The following COPS6 variants were observed in gnomAD, a reference collection of about 807,000 sequenced individuals.
COPS6 encodes COP9 signalosome subunit 6.
A neutral mutation model predicts 41.0 loss-of-function variants in COPS6; 9 were observed. The observed-to-expected ratio is 0.22, with a 90% confidence interval of 0.13 to 0.38. The LOEUF (loss-of-function observed/expected upper bound fraction) is 0.38, where lower values mean the gene tolerates loss of function less well. Ranked by LOEUF, COPS6 falls within the 10% of genes least tolerant of loss-of-function variation. The pLI is 1.00. For synonymous variants in COPS6, 179 were observed against 162.9 expected, an observed-to-expected ratio of 1.10 and a Z score of -0.75; for missense variants, 302 against 436.7, an observed-to-expected ratio of 0.69 and a Z score of 2.75.
In COPS6 at chr7:100,092,064, G is replaced by A. The variant is rs1265578960; in HGVS notation, c.*275G>A. ...TGACCCCATGTCAGTCACATGGACT[G>A]GTCTTTAGCAAAGTCCAAGGCTGCC... On this transcript the variant is annotated 3_prime_UTR_variant, in exon 10 of 10. Coordinates refer to ENST00000303904, the MANE Select transcript of COPS6 (RefSeq NM_006833.5). 2 of 472,488 alleles carry A rather than the reference G, an allele frequency of 4.2e-6. No homozygotes were observed. The highest frequency in any genetic ancestry group is 7.7e-6 in the Non-Finnish European group (2 of 260,932). The allele number at this position is 472,488 out of a possible 1,614,324, so 29.3% of individuals were successfully genotyped here.
chr7:100,091,920 T>TAACAGAGGACAGAGCCAC lies in COPS6; in HGVS notation c.*131_*132insAACAGAGGACAGAGCCAC. 1 of 1,184,752 alleles carries TAACAGAGGACAGAGCCAC rather than the reference T, an allele frequency of 8.4e-7. No homozygotes were observed. Among genetic ancestry groups the TAACAGAGGACAGAGCCAC allele is most frequent in the Non-Finnish European group, 1.2e-6 (1 of 839,462 alleles). 73.4% of individuals were successfully genotyped at this position (1,184,752 alleles called of 1,614,324 possible). A position where few individuals can be genotyped will look rare whatever the true frequency, so the allele number is the denominator to read the frequency against. ...GCCCCTGAGCACCCCTGCTGGTGGC[T>TAACAGAGGACAGAGCCAC]CTGTCCTCTGTTAGGCACCACACTG... is the stretch of plus-strand genomic sequence containing the variant. On this transcript the variant is annotated 3_prime_UTR_variant, in exon 10 of 10. Coordinates refer to ENST00000303904, the MANE Select transcript of COPS6 (RefSeq NM_006833.5). The surrounding 1 kb of genome is among the most constrained non-coding windows in gnomAD (Gnocchi z 4.1).
intron 3 of COPS6, 125 bp from the exon 4 acceptor site, chr7:100,090,274 G>A (rs1376027957): frequency 1.5e-6 from 1 of 676,258 alleles, no homozygotes; most frequent in Non-Finnish European, 2.5e-6. Flanking sequence ...CTTGAACCTG[G>A]GAGGCGGAGG....
Position 100,089,032 on chromosome 7 carries a change from C to T in COPS6, c.42C>T (p.Thr14=), listed in dbSNP as rs900620990. 1.9e-5 allele frequency: 26 copies of T among 1,361,548 alleles called. No homozygotes were observed. The highest frequency in any genetic ancestry group is 3.0e-5 in the African/African-American group (2 of 65,642). The allele number at this position is 1,361,548 out of a possible 1,614,324, so 84.3% of individuals were successfully genotyped here. The stretch of plus-strand genomic sequence containing the variant: ...CGGCGGCTGCAGCTACGAACGGGAC[C>T]GGAGGAAGCAGCGGGATGGAGGTGG... ...AAAAAAATNG[T]GGSSGMEVDA... is the part of the protein sequence containing the mutation. Residue 14 remains threonine (T), a synonymous_variant, in exon 1 of 10, where the codon ACC becomes ACT. Coordinates refer to ENST00000303904, the MANE Select transcript of COPS6 (RefSeq NM_006833.5).
intron 3 of COPS6, 200 bp downstream of exon 3, chr7:100,089,946 C>A: frequency 1.8e-6 from 1 of 559,702 alleles, no homozygotes; most frequent in Non-Finnish European, 3.1e-6. Context: ...TGAGAGGAGA[C>A]AGGATAGAAG....
In COPS6 at chr7:100,090,600, GATC is replaced by G; in HGVS notation, c.436_438del (p.Ile146del). The G allele has an allele frequency of 1.9e-6, 3 of 1,614,154 alleles. No homozygotes were observed. Among genetic ancestry groups the G allele is most frequent in the Non-Finnish European group, 2.5e-6 (3 of 1,180,018 alleles). On this transcript the variant is annotated inframe_deletion, in exon 5 of 10. Coordinates refer to ENST00000303904, the MANE Select transcript of COPS6 (RefSeq NM_006833.5). ...TTGTCCCTCTCTTCCAGGTGTGTGA[GATC>G]ATCGAGAGCCCCCTCTTTCTGAAGT...
Position 100,089,052 on chromosome 7 carries a change from A to T in COPS6, c.62A>T (p.Glu21Val). 7.2e-7 allele frequency: 1 copy of T among 1,390,570 alleles called. No individual in the cohort carries two copies. The highest frequency in any genetic ancestry group is 9.3e-7 in the Non-Finnish European group (1 of 1,070,962). 86.1% of individuals were successfully genotyped at this position (1,390,570 alleles called of 1,614,324 possible). ...GGGACCGGAGGAAGCAGCGGGATGG[A>T]GGTGGATGCAGCAGGTAACGGGCCG... Reference protein sequence around the residue: ...TNGTGGSSGMEVDAAVVPSVM... With the variant: ...TNGTGGSSGMVVDAAVVPSVM... Residue 21 changes from glutamate (E) to valine (V), a missense_variant, in exon 1 of 10, where the codon GAG (glutamate) becomes GTG (valine). By Grantham distance (121) the Glu-to-Val change is moderately radical. Around this residue, in one of 3 missense-constraint regions of COPS6, gnomAD observed 76 missense variants for 97.9 expected, o/e 0.78. Transcript: ENST00000303904.
chr7:100,089,440 T>C (rs1265562279), intron 2 of COPS6, 25 bp downstream of exon 2: 1 of 1,613,578 alleles, frequency 6.2e-7, no homozygotes, highest in Non-Finnish European at 8.5e-7. Flanking sequence ...TAGACTCCAG[T>C]CTCTTCTCCT....
Position 100,090,442 on chromosome 7 carries a change from C to G in COPS6, c.378C>G (p.Thr126=). The G allele has an allele frequency of 6.2e-7, 1 of 1,613,982 alleles. No individual in the cohort carries two copies. Among genetic ancestry groups the G allele is most frequent in the Non-Finnish European group, 8.5e-7 (1 of 1,179,964 alleles). The change falls in exon 4 of 10, where the codon ACC becomes ACG. Residue 126 remains threonine (T), a synonymous_variant. Coordinates refer to ENST00000303904, the MANE Select transcript of COPS6 (RefSeq NM_006833.5). ...AGCTGGAGTTTCTGGGTTGGTATACCACAGGGGGGCCACCTGACCCCTCGG... is the reference window on the plus strand; with the variant it reads ...AGCTGGAGTTTCTGGGTTGGTATACGACAGGGGGGCCACCTGACCCCTCGG... ...FKELEFLGWY[T]TGGPPDPSDI...
chr7:100,089,146 G>C (rs1795275867), intron 1 of COPS6, 80 bp downstream of exon 1: 1 of 1,486,594 alleles, frequency 6.7e-7, no homozygotes, highest in Non-Finnish European at 8.9e-7. Context: ...CGGGAGAAGG[G>C]AGGAGGGCGG....
intron 1 of COPS6, 66 bp from the exon 2 acceptor site, chr7:100,089,224 C>T: frequency 6.4e-7 from 1 of 1,557,540 alleles, no homozygotes; most frequent in African/African-American, 1.4e-5. Flanking sequence ...CCGTCCCCCA[C>T]TGCCATCTCC....
At chr7:100,089,813 A>T in intron 3 of COPS6, 67 bp downstream of exon 3, 3 of 1,523,868 alleles carry the variant, frequency 2.0e-6, no homozygotes, top group Non-Finnish European at 2.7e-6. Flanking sequence ...GGTGGGGAAG[A>T]TGGAGAGGGT....
In COPS6 at chr7:100,092,056, C is replaced by T. The variant is rs7799720; in HGVS notation, c.*267C>T. 7.1e-3 allele frequency: 3,528 copies of T among 497,030 alleles called. 88 individuals carry two copies. The highest frequency in any genetic ancestry group is 0.059 in the African/African-American group (3,059 of 51,964). 30.8% of individuals were successfully genotyped at this position (497,030 alleles called of 1,614,324 possible). On this transcript the variant is annotated 3_prime_UTR_variant, in exon 10 of 10. Transcript: ENST00000303904. ...ATTTGAAGTGACCCCATGTCAGTCACATGGACTGGTCTTTAGCAAAGTCCA... is the reference window on the plus strand; with the variant it reads ...ATTTGAAGTGACCCCATGTCAGTCATATGGACTGGTCTTTAGCAAAGTCCA...
intron 3 of COPS6, chr7:100,090,147 A>G (rs1795289970): frequency 4.0e-6 from 2 of 505,392 alleles, no homozygotes; most frequent in Non-Finnish European, 7.1e-6. Flanking sequence ...CAGGAGTTCA[A>G]GACCAGCCTG....
intron 3 of COPS6, 128 bp downstream of exon 3, chr7:100,089,874 T>G: frequency 9.5e-6 from 8 of 841,030 alleles, no homozygotes; most frequent in Non-Finnish European, 1.4e-5. Context: ...AAGTGAAGAG[T>G]AGCTGGAGAG....
At chr7:100,089,824 T>G in intron 3 of COPS6, 78 bp downstream of exon 3, 7 of 1,413,650 alleles carry the variant, frequency 5.0e-6, no homozygotes, top group African/African-American at 1.4e-5. Context: ...TGGAGAGGGT[T>G]GGAAAGAAAC....
rs145902681 is a variant in COPS6 at position 100,091,329 on chromosome 7, G to C, written c.741G>C (p.Ala247=). ...LILEYVKASE[A]GEVPFNHEIL... is the part of the protein sequence containing the mutation. The stretch of plus-strand genomic sequence containing the variant: ...TGGAGTACGTCAAGGCCTCTGAAGC[G>C]GGTAGGACAGGGGCTTCCCTGGCAT... The change falls in exon 8 of 10, where the codon GCG becomes GCC. Residue 247 remains alanine (A), a splice_region_variant and synonymous_variant. Coordinates refer to ENST00000303904, the MANE Select transcript of COPS6 (RefSeq NM_006833.5). This position sits in a 1 kb window ranked among gnomAD's most constrained non-coding sequence, Gnocchi z 4.1. The C allele has an allele frequency of 7.4e-6, 12 of 1,614,022 alleles. No homozygotes were observed. The highest frequency in any genetic ancestry group is 1.0e-5 in the Non-Finnish European group (12 of 1,179,980).
At chr7:100,089,886 T>C in intron 3 of COPS6, 140 bp downstream of exon 3, 1 of 780,916 alleles carries the variant, frequency 1.3e-6, no homozygotes, top group Non-Finnish European at 2.0e-6. Context: ...GCTGGAGAGA[T>C]CTCAGAAAAA....
chr7:100,089,116 T>C, intron 1 of COPS6, 50 bp downstream of exon 1: 2 of 1,447,280 alleles, frequency 1.4e-6, no homozygotes, highest in Non-Finnish European at 1.8e-6. Context: ...CAGGGGTTCG[T>C]TGAGGCCTCC....
chr7:100,091,160 AGG>A lies in COPS6; in HGVS notation c.649+11_649+12del, dbSNP rs1562888936. On this transcript the variant is annotated intron_variant, in intron 7 of 9. Coordinates refer to ENST00000303904, the MANE Select transcript of COPS6 (RefSeq NM_006833.5). This position sits in a 1 kb window ranked among gnomAD's most constrained non-coding sequence, Gnocchi z 4.1. ...GTGGAGAGAACTCCACTGGTAATGG[AGG>A]GGATTCCTTGGAAGTGGGGTTGGAA... is the stretch of plus-strand genomic sequence containing the variant. The A allele has an allele frequency of 6.2e-7, 1 of 1,613,978 alleles. No individual in the cohort carries two copies. The highest frequency in any genetic ancestry group is 1.7e-5 in the Admixed American group (1 of 60,026).
Sources: allele counts gnomAD v4.1 joint callset, GRCh38; gene constraint gnomAD v4.1.1; regional missense constraint gnomAD v4.1.1; non-coding constraint Gnocchi (gnomAD v3.1); transcripts MANE v1.5; gene names NCBI Gene and HGNC (gene_info 2026-07-23, HGNC 2026-07-21).